Variants in PRKN observed in about 807,000 individuals in gnomAD.
PRKN encodes the protein E3 ubiquitin-protein ligase parkin.
PRKN carries 56 observed loss-of-function variants against 59.5 expected under a neutral mutation model. The observed-to-expected ratio is 0.94, with a 90% CI of 0.76 to 1.18. PRKN has a LOEUF of 1.18. Among genes scored for constraint, PRKN ranks in the 50% most tolerant of loss-of-function variants. PRKN has a pLI of 0.00. For synonymous variants in PRKN, 250 were observed against 222.1 expected (o/e 1.13, Z -1.12); for missense variants, 657 against 596.4 (o/e 1.10, Z -1.06).
chr6:162,535,254 C>CTT, intron 1 of PRKN, among the ~76,000 whole-genome samples: 1 of 152,210 alleles, frequency 6.6e-6, no homozygotes, highest in East Asian at 1.9e-4. Context: ...GGGTTGGGAC[C>CTT]TTTCTGCAAA....
At chr6:161,478,805 C>T (rs906992838) in intron 9 of PRKN, among the ~76,000 whole-genome samples, 1 of 152,208 alleles carries the variant, frequency 6.6e-6, no homozygotes, top group Non-Finnish European at 1.5e-5. Flanking sequence ...CTGATTGTGC[C>T]ACTGTACTCC....
At chr6:162,615,715 T>C (rs558893416) in intron 1 of PRKN, among the ~76,000 whole-genome samples, 114 of 152,232 alleles carry the variant, frequency 7.5e-4, no homozygotes, top group Middle Eastern at 3.2e-3. Context: ...TGTGCCAGCA[T>C]TGAGATCTGC....
chr6:162,404,369 GAAAA>G (rs1242287906), intron 2 of PRKN, among the ~76,000 whole-genome samples: 1 of 133,892 alleles, frequency 7.5e-6, no homozygotes. Flanking sequence ...GACTCTGTCA[GAAAA>G]AAAAAAAAAG....
At position 162,169,299 on chromosome 6, in the gene PRKN, T is replaced by G. The variant is rs545941026; in HGVS notation, c.534+31832A>C. Among the ~76,000 whole-genome samples the G allele has an allele frequency of 1.2e-4, 18 of 152,346 alleles. No homozygotes were observed. In the South Asian group the frequency reaches 3.7e-3, roughly 32 times the overall value. ...TCAGGTAAATCATTTAGCATTTCTT[T>G]CCTTCAGTTTCTTCAGATATTTAAT... On this transcript the variant is annotated intron_variant, in intron 4 of 11. Coordinates refer to ENST00000366898, the MANE Select transcript of PRKN (RefSeq NM_004562.3).
At chr6:161,944,058 T>TCAGCCTGAGGGATCAGCCTGAGGGAC (rs1562407660) in intron 6 of PRKN, among the ~76,000 whole-genome samples, 3 of 133,370 alleles carry the variant, frequency 2.2e-5, no homozygotes, top group East Asian at 2.6e-4. Flanking sequence ...GCCTGAGGGA[T>TCAGCCTGAGGGATCAGCCTGAGGGAC]CAGCCTGAGG....
chr6:162,717,192 A>G (rs956175615), intron 1 of PRKN, among the ~76,000 whole-genome samples: 2 of 152,212 alleles, frequency 1.3e-5, no homozygotes, highest in African/African-American at 4.8e-5. Context: ...AAGGAATGCC[A>G]GCAGCCTCCA....
Position 161,757,833 on chromosome 6 carries a change from ATC to A in PRKN, c.871+27937_871+27938del, listed in dbSNP as rs748787015. Among the ~76,000 whole-genome samples the A allele has an allele frequency of 9.6e-3, 359 of 37,576 alleles. 4 individuals are homozygous for A. The highest frequency in any genetic ancestry group is 0.017 in the African/African-American group (202 of 12,088). 24.7% of individuals were successfully genotyped at this position (37,576 alleles called of 152,430 possible). ...AGCCTGGGCAATAGAGCAAAACTCC[ATC>A]TCTCTCTCTCTCTCTCTCTCTCTCT... On this transcript the variant is annotated intron_variant, in intron 7 of 11. Transcript: ENST00000366898.
chr6:162,481,480 T>C (rs563008121), intron 1 of PRKN, among the ~76,000 whole-genome samples: 24 of 152,314 alleles, frequency 1.6e-4, no homozygotes, highest in African/African-American at 5.5e-4. Context: ...TAACGTATAA[T>C]GTTTCCATTA....
At chr6:162,673,699 A>G (rs1299463189) in intron 1 of PRKN, among the ~76,000 whole-genome samples, 1 of 152,090 alleles carries the variant, frequency 6.6e-6, no homozygotes, top group Non-Finnish European at 1.5e-5. Context: ...ATTTTTTTTA[A>G]ATGTAAATCA....
chr6:162,080,901 T>A (rs1017454785), intron 4 of PRKN, among the ~76,000 whole-genome samples: 2 of 152,140 alleles, frequency 1.3e-5, no homozygotes, highest in African/African-American at 4.8e-5. Context: ...TTATTTCATG[T>A]CTGAAATCCT....
intron 7 of PRKN, among the ~76,000 whole-genome samples, chr6:161,590,795 C>G (rs1781692569): frequency 6.6e-6 from 1 of 150,614 alleles, no homozygotes; most frequent in Non-Finnish European, 1.5e-5. Context: ...TAGACAAACA[C>G]AAATTGAAGG....
rs933596685 is a variant in PRKN, at chr6:161,419,399, T to C, written c.1084-32522A>G. ...CCTTTTTTCTTTTTTCTTCTTCTTT[T>C]TTTTTTTAAATGGAGTCTCGCTCTG... is the stretch of plus-strand genomic sequence containing the variant. On this transcript the variant is annotated intron_variant, in intron 9 of 11. Coordinates refer to ENST00000366898, the MANE Select transcript of PRKN (RefSeq NM_004562.3). This position sits in a 1 kb window ranked among gnomAD's most constrained non-coding sequence, Gnocchi z 4.1. 6.6e-6 allele frequency among the ~76,000 whole-genome samples: 1 copy of C among 152,008 alleles called. No homozygotes were observed. The highest frequency in any genetic ancestry group is 1.5e-5 in the Non-Finnish European group (1 of 68,012).
At chr6:162,710,334 C>G (rs1490196960) in intron 1 of PRKN, among the ~76,000 whole-genome samples, 2 of 147,654 alleles carry the variant, frequency 1.4e-5, no homozygotes, top group Non-Finnish European at 3.0e-5. Context: ...TTAAGATCTC[C>G]CTATCCCCAG....
At chr6:162,146,575 G>A (rs1430967000) in intron 4 of PRKN, among the ~76,000 whole-genome samples, 1 of 151,638 alleles carries the variant, frequency 6.6e-6, no homozygotes, top group African/African-American at 2.4e-5. Context: ...CACCATCTCA[G>A]CTCACTGCAA....
intron 7 of PRKN, among the ~76,000 whole-genome samples, chr6:161,629,890 T>G (rs1783234312): frequency 1.3e-5 from 2 of 152,172 alleles, no homozygotes; most frequent in Non-Finnish European, 2.9e-5. Context: ...GACAAGCCCT[T>G]TCAAAGGCAC....
At chr6:162,635,251 G>A (rs981560380) in intron 1 of PRKN, among the ~76,000 whole-genome samples, 2 of 152,174 alleles carry the variant, frequency 1.3e-5, no homozygotes, top group African/African-American at 4.8e-5. Flanking sequence ...ACTGCATTCT[G>A]AGCTAGGCAT....
Position 161,940,328 on chromosome 6 carries a change from T to C in PRKN, c.734+32974A>G, listed in dbSNP as rs549987519. The stretch of plus-strand genomic sequence containing the variant: ...GAAAAAGAAAAAAGAAAGTGTGTCT[T>C]TGTGTATGAGCACAAAGGAAAAGAA... On this transcript the variant is annotated intron_variant, in intron 6 of 11. Coordinates refer to ENST00000366898, the MANE Select transcript of PRKN (RefSeq NM_004562.3). Among the ~76,000 whole-genome samples the C allele has an allele frequency of 1.3e-4, 20 of 152,316 alleles. 1 individual carries two copies. The South Asian group carries it at 3.9e-3, about 30-fold the overall frequency.
At chr6:162,323,233 A>G (rs982671089) in intron 2 of PRKN, among the ~76,000 whole-genome samples, 3 of 152,096 alleles carry the variant, frequency 2.0e-5, no homozygotes, top group Non-Finnish European at 2.9e-5. Context: ...ATAATAAAAA[A>G]AAAATGAACT....
chr6:161,421,445 G>A (rs1014998797), intron 9 of PRKN, among the ~76,000 whole-genome samples: 19 of 152,164 alleles, frequency 1.2e-4, no homozygotes, highest in African/African-American at 4.6e-4. Flanking sequence ...AATGTCCTGA[G>A]TTCATGCAGA....
Sources: gnomAD v4.1 joint callset for allele counts (sites outside exome capture counted in the v4.1 genomes callset) on GRCh38, gnomAD v4.1.1 for gene constraint, Gnocchi (gnomAD v3.1) non-coding constraint, MANE v1.5 for transcripts, NCBI Gene and HGNC (gene_info 2026-07-23, HGNC 2026-07-21) for gene names.